Variants in CCSER1 observed in about 807,000 individuals in gnomAD.
The protein encoded by CCSER1 is coiled-coil serine rich protein 1.
Under a neutral mutation model 82.0 loss-of-function variants are expected in CCSER1, and 41 were observed. That is an observed-to-expected ratio of 0.50 (90% CI 0.39 to 0.65). CCSER1 has a LOEUF of 0.65. Ranked by LOEUF, CCSER1 falls within the 30% of genes least tolerant of loss-of-function variation. The probability of loss-of-function intolerance (pLI) is 0.00; values close to 1 mark genes in which losing one functional copy is unlikely to be tolerated. For missense variants in CCSER1, 1,119 were observed against 1,064.2 expected (o/e 1.05, Z -0.72); for synonymous variants, 414 against 383.9 (o/e 1.08, Z -0.92).
intron 1 of CCSER1, among the ~76,000 whole-genome samples, chr4:90,243,576 G>C (rs931060799): frequency 2.7e-5 from 4 of 150,902 alleles, no homozygotes; most frequent in East Asian, 3.9e-4. Flanking sequence ...TGGGGAGGTG[G>C]GGGGTCTTGC....
At chr4:91,230,699 A>G (rs1465989025) in intron 10 of CCSER1, among the ~76,000 whole-genome samples, 2 of 151,970 alleles carry the variant, frequency 1.3e-5, no homozygotes, top group South Asian at 2.1e-4. Flanking sequence ...ATATTTTTAT[A>G]TTATTCAAAA....
chr4:91,259,002 TA>T (rs1247322168), intron 10 of CCSER1, among the ~76,000 whole-genome samples: 12 of 152,010 alleles, frequency 7.9e-5, no homozygotes, highest in Non-Finnish European at 1.8e-4. Context: ...GATAATAGTA[TA>T]AAAATGAAAT....
chr4:90,737,809 C>G (rs761463188), intron 7 of CCSER1, among the ~76,000 whole-genome samples: 2 of 152,054 alleles, frequency 1.3e-5, no homozygotes, highest in Non-Finnish European at 2.9e-5. Context: ...TCTCCCCTGA[C>G]TATGTATTTT....
rs376079121 is a variant in CCSER1 at position 91,525,009 on chromosome 4, C to G, written c.2218-73563C>G. Reference sequence around the variant, plus strand: ...AGGCAGAAAAAAATAAGTGCAGAACCTGGAGAGTGGATCAAAAGAGAAAGA... The same window carrying G: ...AGGCAGAAAAAAATAAGTGCAGAACGTGGAGAGTGGATCAAAAGAGAAAGA... On this transcript the variant is annotated intron_variant, in intron 10 of 10. Transcript: ENST00000509176. Among the ~76,000 whole-genome samples, 7 of 151,860 alleles carry G rather than the reference C, an allele frequency of 4.6e-5. No individual in the cohort carries two copies. The East Asian group carries it at 7.7e-4, about 17-fold the overall frequency.
intron 3 of CCSER1, among the ~76,000 whole-genome samples, chr4:90,380,090 C>A (rs774877960): frequency 1.1e-4 from 16 of 152,112 alleles, no homozygotes; most frequent in Non-Finnish European, 2.1e-4. Context: ...TCAGACCCTA[C>A]CTCCAGCATT....
chr4:90,795,323 G>A (rs550823416), intron 7 of CCSER1, among the ~76,000 whole-genome samples: 12 of 151,324 alleles, frequency 7.9e-5, no homozygotes, highest in Middle Eastern at 3.4e-3. Context: ...AGAAATGTTC[G>A]TGATTTCTGC....
intron 5 of CCSER1, among the ~76,000 whole-genome samples, chr4:90,487,630 T>C (rs1290166962): frequency 2.0e-5 from 3 of 152,192 alleles, no homozygotes; most frequent in African/African-American, 7.2e-5. Context: ...AGAATGAATA[T>C]TTAATCTAGT....
At chr4:90,360,299 C>G (rs946317633) in intron 3 of CCSER1, among the ~76,000 whole-genome samples, 1 of 148,530 alleles carries the variant, frequency 6.7e-6, no homozygotes. Flanking sequence ...GAGGCCGAGG[C>G]GGGCGGATCA....
At chr4:90,686,515 A>G (rs1455448888) in intron 6 of CCSER1, among the ~76,000 whole-genome samples, 1 of 151,852 alleles carries the variant, frequency 6.6e-6, no homozygotes, top group Non-Finnish European at 1.5e-5. Flanking sequence ...AGTCCCCCAA[A>G]TTTCCAAATT....
At chr4:91,534,852 G>A (rs970011720) in intron 10 of CCSER1, among the ~76,000 whole-genome samples, 1 of 151,788 alleles carries the variant, frequency 6.6e-6, no homozygotes, top group Non-Finnish European at 1.5e-5. Flanking sequence ...AATTATGAAT[G>A]AAAGACTGAA....
intron 10 of CCSER1, among the ~76,000 whole-genome samples, chr4:91,534,642 T>C (rs926060988): frequency 1.3e-5 from 2 of 152,040 alleles, no homozygotes; most frequent in Admixed American, 6.6e-5. Flanking sequence ...TTGCTATTAT[T>C]AAGCTATGTG....
At chr4:90,478,058 C>T (rs1443557233) in intron 5 of CCSER1, among the ~76,000 whole-genome samples, 2 of 152,118 alleles carry the variant, frequency 1.3e-5, no homozygotes, top group African/African-American at 4.8e-5. Context: ...TGCTAATTCT[C>T]TTAACTGTGA....
At chr4:90,413,805 C>A (rs939140951) in intron 4 of CCSER1, among the ~76,000 whole-genome samples, 1 of 149,862 alleles carries the variant, frequency 6.7e-6, no homozygotes, top group Non-Finnish European at 1.5e-5. Context: ...AAAAATTAGC[C>A]GCGCGTAGTG....
intron 5 of CCSER1, among the ~76,000 whole-genome samples, chr4:90,502,513 G>C (rs1352286875): frequency 6.6e-6 from 1 of 152,114 alleles, no homozygotes; most frequent in Non-Finnish European, 1.5e-5. Flanking sequence ...TGTTCTCTAA[G>C]TAGCACAGCA....
chr4:90,153,354 A>G (rs1727287714), intron 1 of CCSER1, among the ~76,000 whole-genome samples: 1 of 152,118 alleles, frequency 6.6e-6, no homozygotes, highest in Non-Finnish European at 1.5e-5. Flanking sequence ...ATACATGTGC[A>G]TGTGTCTTTA....
intron 10 of CCSER1, among the ~76,000 whole-genome samples, chr4:91,143,613 A>T (rs1283297468): frequency 6.6e-6 from 1 of 152,130 alleles, no homozygotes; most frequent in African/African-American, 2.4e-5. Context: ...AGGGTTTGTC[A>T]TAGATGGCTC....
At chr4:91,260,591 A>G (rs192504708) in intron 10 of CCSER1, among the ~76,000 whole-genome samples, 236 of 152,276 alleles carry the variant, frequency 1.5e-3, no homozygotes, top group African/African-American at 5.5e-3. Context: ...CTTCTGTTAA[A>G]CACCAATTTC....
intron 3 of CCSER1, among the ~76,000 whole-genome samples, chr4:90,374,142 T>G (rs1747921342): frequency 6.6e-6 from 1 of 152,156 alleles, no homozygotes; most frequent in Non-Finnish European, 1.5e-5. Context: ...GCTATGAGGA[T>G]GTGAAAATAA....
chr4:90,269,222 GCAGAGTACATAGTCTTCTC>G (rs1725805227), intron 1 of CCSER1, among the ~76,000 whole-genome samples: 1 of 152,088 alleles, frequency 6.6e-6, no homozygotes, highest in South Asian at 2.1e-4. Flanking sequence ...TGCAACAGCT[GCAGAGTACATAGTCTTCTC>G]CTTAGCACAG....
Sources: gnomAD v4.1 joint callset for allele counts (sites outside exome capture counted in the v4.1 genomes callset) on GRCh38, gnomAD v4.1.1 for gene constraint, MANE v1.5 for transcripts, NCBI Gene and HGNC (gene_info 2026-07-23, HGNC 2026-07-21) for gene names.